Variants in NID2 observed in about 807,000 individuals in gnomAD.
NID2 encodes the protein nidogen 2, also known as nidogen-2.
A neutral mutation model predicts 145.4 loss-of-function variants in NID2; 83 were observed. The ratio of observed to expected loss-of-function variants is 0.57; its 90% CI spans 0.48 to 0.69. NID2 has a LOEUF of 0.69. Among genes scored for constraint, NID2 ranks in the 30% least tolerant of loss-of-function variants. NID2 has a pLI of 0.00. For synonymous variants in NID2, 739 were observed against 701.3 expected (o/e 1.05, Z -0.85); for missense variants, 1,807 against 1,765.7 (o/e 1.02, Z -0.42).
In NID2 at chr14:52,015,187, G is replaced by A. The variant is rs374988272; in HGVS notation, c.3117C>T (p.Tyr1039=). 1.1e-5 allele frequency: 17 copies of A among 1,613,992 alleles called. No homozygotes were observed. Among genetic ancestry groups the A allele is most frequent in the South Asian group, 5.5e-5 (5 of 91,086 alleles). ...HYGGTPRDDQ[Y]VPQCDDLGHF... ...GGCCCAGGTCATCGCACTGGGGCAC[G>A]TACTGGTCATCCCGGGGGGTGCCAC... Residue 1039 remains tyrosine (Y), a synonymous_variant, in exon 15 of 22, where the codon TAC becomes TAT. Coordinates refer to ENST00000216286, the MANE Select transcript of NID2 (RefSeq NM_007361.4).
At chr14:52,032,965 A>G (rs547427608) in intron 9 of NID2, among the ~76,000 whole-genome samples, 6 of 152,326 alleles carry the variant, frequency 3.9e-5, no homozygotes, top group African/African-American at 1.2e-4. Context: ...CCAGTGCAAA[A>G]TGAAAATGTG....
At chr14:52,057,466 G>A (rs1427874826) in intron 3 of NID2, among the ~76,000 whole-genome samples, 4 of 152,104 alleles carry the variant, frequency 2.6e-5, no homozygotes, top group East Asian at 1.9e-4. Context: ...ACTTTGGGAG[G>A]CTGAGGCAGG....
At chr14:52,008,051 T>C (rs1890860885) in intron 18 of NID2, 84 bp from the exon 19 acceptor site, 1 of 1,096,710 alleles carries the variant, frequency 9.1e-7, no homozygotes, top group African/African-American at 1.6e-5. Flanking sequence ...GTGATCTCCA[T>C]CTCCTCATGT....
chr14:52,068,670 G>T, intron 1 of NID2, 97 bp downstream of exon 1: 2 of 1,093,140 alleles, frequency 1.8e-6, no homozygotes, highest in Non-Finnish European at 2.7e-6. Flanking sequence ...GGCTCCAGGA[G>T]TGGGGTCTGT....
intron 3 of NID2, among the ~76,000 whole-genome samples, chr14:52,056,197 T>A (rs1892840189): frequency 6.6e-6 from 1 of 152,166 alleles, no homozygotes; most frequent in Non-Finnish European, 1.5e-5. Flanking sequence ...ACTATGAAAT[T>A]TCTTCTTGAA....
intron 18 of NID2, chr14:52,009,556 G>A (rs1220403131): frequency 6.6e-6 from 1 of 152,154 alleles, no homozygotes; most frequent in Admixed American, 6.5e-5. Flanking sequence ...GTCTGGATAA[G>A]AAAGTTCTAC....
At position 52,053,931 on chromosome 14, in the gene NID2, G is replaced by A. The variant is rs754437150; in HGVS notation, c.1077C>T (p.Ser359=). Residue 359 remains serine, a synonymous_variant, in exon 5 of 22, where the codon TCC becomes TCT. Transcript: ENST00000216286. ...KVDTKPLEES[S]TLDPHTKEGT... is the part of the protein sequence containing the mutation. ...CTTCTTTGGTGTGAGGATCCAAGGT[G>A]GAAGATTCTGTTTCAGGATAGAATG... is the stretch of plus-strand genomic sequence containing the variant. 5 of 1,613,436 alleles carry A rather than the reference G, an allele frequency of 3.1e-6. No individual in the cohort carries two copies. Among genetic ancestry groups the A allele is most frequent in the East Asian group, 2.2e-5 (1 of 44,884 alleles).
chr14:52,049,009 C>A (rs986695515), intron 5 of NID2, among the ~76,000 whole-genome samples: 1 of 152,158 alleles, frequency 6.6e-6, no homozygotes, highest in African/African-American at 2.4e-5. Flanking sequence ...TGCCAGGAAG[C>A]TCCTGCCACG....
Position 52,010,868 on chromosome 14 carries a change from C to T in NID2, c.3722+8G>A. The T allele has an allele frequency of 1.2e-6, 2 of 1,610,448 alleles. No homozygotes were observed. The highest frequency in any genetic ancestry group is 4.5e-5 in the East Asian group (2 of 44,794). ...AGGTAAGAGAAGAATTAGGGAAGCC[C>T]AGCTGACCCTCGGATTGGATCCACA... is the stretch of plus-strand genomic sequence containing the variant. On this transcript the variant is annotated splice_region_variant and intron_variant, in intron 18 of 21. Coordinates refer to ENST00000216286, the MANE Select transcript of NID2 (RefSeq NM_007361.4).
In NID2 at chr14:52,011,689, T is replaced by G. The variant is rs765312809; in HGVS notation, c.3421-6A>C. On this transcript the variant is annotated splice_polypyrimidine_tract_variant and splice_region_variant and intron_variant, in intron 16 of 21. Transcript: ENST00000216286. Reference sequence around the variant, plus strand: ...ATTCCCACGATTATGGAGCCCTTTGTGCATCAAATCATAGAATTAGAAGAA... The same window carrying G: ...ATTCCCACGATTATGGAGCCCTTTGGGCATCAAATCATAGAATTAGAAGAA... 2.5e-6 allele frequency: 4 copies of G among 1,614,122 alleles called. No individual in the cohort carries two copies. Among genetic ancestry groups the G allele is most frequent in the Non-Finnish European group, 3.4e-6 (4 of 1,179,990 alleles).
In NID2 at chr14:52,060,131, G is replaced by A. The variant is rs1323338768; in HGVS notation, c.760C>T (p.Leu254Phe). 2.5e-6 allele frequency: 4 copies of A among 1,599,682 alleles called. No individual in the cohort carries two copies. Among genetic ancestry groups the A allele is most frequent in the African/African-American group, 1.3e-5 (1 of 74,634 alleles). ...CAGCTCAATGTTACTTACTGATAGAGATTTTTCACAGACTGTTCAGTGCTA... is the reference window on the plus strand; with the variant it reads ...CAGCTCAATGTTACTTACTGATAGAAATTTTTCACAGACTGTTCAGTGCTA... ...LTSTEQSVKN[L>F]YQLSNLGIPG... Residue 254 changes from leucine to phenylalanine, a missense_variant, in exon 3 of 22, where the codon CTC (leucine) becomes TTC (phenylalanine). Physicochemically the swap from Leu to Phe is conservative, Grantham distance 22. Coordinates refer to ENST00000216286, the MANE Select transcript of NID2 (RefSeq NM_007361.4).
At chr14:52,032,113 C>G (rs1891891104) in intron 9 of NID2, among the ~76,000 whole-genome samples, 1 of 152,206 alleles carries the variant, frequency 6.6e-6, no homozygotes, top group Non-Finnish European at 1.5e-5. Flanking sequence ...CTGCTGTGAG[C>G]TGGGATGCCT....
At chr14:52,044,384 C>T (rs11851036) in intron 5 of NID2, among the ~76,000 whole-genome samples, 2 of 148,286 alleles carry the variant, frequency 1.3e-5, no homozygotes, top group Admixed American at 6.7e-5. Context: ...ATTCTCTTGC[C>T]TCAGCCTCCT....
At chr14:52,019,345 C>T (rs750451791) in intron 13 of NID2, 51 bp from the exon 14 acceptor site, 7 of 1,429,622 alleles carry the variant, frequency 4.9e-6, no homozygotes, top group Non-Finnish European at 6.6e-6. Context: ...GAAGGCATTG[C>T]AACCCATCCA....
intron 12 of NID2, 171 bp from the exon 13 acceptor site, chr14:52,020,349 T>C (rs1394330173): frequency 1.8e-6 from 2 of 1,093,098 alleles, no homozygotes; most frequent in East Asian, 3.0e-5. Flanking sequence ...GTAAGCTTAA[T>C]AGAAAGGAAG....
At chr14:52,023,164 A>G (rs1162037677) in intron 12 of NID2, among the ~76,000 whole-genome samples, 2 of 152,242 alleles carry the variant, frequency 1.3e-5, no homozygotes, top group East Asian at 3.8e-4. Context: ...AATGGAGATC[A>G]TGCTTTCGTT....
In NID2 at chr14:52,054,182, C is replaced by A. The variant is rs1892773827; in HGVS notation, c.907G>T (p.Ala303Ser). ...SVPLGRSFSH[A>S]TALESDYNED... ...TTATAGTCACTTTCCAGGGCTGTAGCATGGCTGAAGGAACGTCCCAGGGGA... is the reference window on the plus strand; with the variant it reads ...TTATAGTCACTTTCCAGGGCTGTAGAATGGCTGAAGGAACGTCCCAGGGGA... Residue 303 changes from alanine to serine, a missense_variant, in exon 4 of 22, where the codon GCT becomes TCT. Physicochemically the swap from Ala to Ser is moderately conservative, Grantham distance 99. Transcript: ENST00000216286. The A allele has an allele frequency of 6.2e-7, 1 of 1,614,162 alleles. No individual in the cohort carries two copies. Among genetic ancestry groups the A allele is most frequent in the Non-Finnish European group, 8.5e-7 (1 of 1,180,020 alleles).
intron 16 of NID2, chr14:52,011,887 C>T (rs1891043836): frequency 1.8e-6 from 1 of 570,642 alleles, no homozygotes; most frequent in Non-Finnish European, 3.1e-6. Context: ...GGGCATTTAA[C>T]CTCTATGCGT....
At chr14:52,029,784 G>C (rs1309982478) in intron 9 of NID2, 94 bp from the exon 10 acceptor site, 3 of 1,063,576 alleles carry the variant, frequency 2.8e-6, no homozygotes, top group Non-Finnish European at 4.1e-6. Flanking sequence ...CTGCATGTCT[G>C]TGTTTTGTGA....
Sources: allele counts gnomAD v4.1 joint callset (sites outside exome capture counted in the v4.1 genomes callset), GRCh38; gene constraint gnomAD v4.1.1; transcripts MANE v1.5; gene names NCBI Gene and HGNC (gene_info 2026-07-23, HGNC 2026-07-21).